Variants in DIS3L2 observed in about 807,000 individuals in gnomAD.
DIS3L2 encodes DIS3 like 3'-5' exoribonuclease 2, also known as DIS3-like exonuclease 2.
Under a neutral mutation model 97.5 loss-of-function variants are expected in DIS3L2, and 34 were observed. The observed-to-expected ratio is 0.35, with a 90% CI of 0.27 to 0.46. DIS3L2 has a LOEUF of 0.46. Ranked by LOEUF, DIS3L2 falls within the 20% of genes least tolerant of loss-of-function variation. The probability of loss-of-function intolerance (pLI) is 1.00; values close to 1 mark genes in which losing one functional copy is unlikely to be tolerated. For synonymous variants in DIS3L2, 435 were observed against 445.2 expected, an observed-to-expected ratio of 0.98 and a Z score of 0.29; for missense variants, 1,038 against 1,146.0, an observed-to-expected ratio of 0.91 and a Z score of 1.36.
chr2:231,999,961 A>G (rs1267702130), intron 1 of DIS3L2, among the ~76,000 whole-genome samples: 5 of 152,148 alleles, frequency 3.3e-5, no homozygotes, highest in African/African-American at 1.2e-4. Context: ...AACACTTAAA[A>G]TACACTCTCT....
chr2:232,335,603 C>T (rs1418586713), intron 19 of DIS3L2, 170 bp from the exon 20 acceptor site: 12 of 695,268 alleles, frequency 1.7e-5, no homozygotes, highest in Non-Finnish European at 2.7e-5. Context: ...TCACCTGCTG[C>T]CTCAGCTGAA....
intron 6 of DIS3L2, among the ~76,000 whole-genome samples, chr2:232,100,829 G>GTA (rs1553607345): frequency 0.071 from 10,579 of 148,074 alleles, 1,100 homozygotes; most frequent in African/African-American, 0.24. Flanking sequence ...GTGTGTGTGT[G>GTA]TATATATATC....
In DIS3L2 at chr2:232,182,314, T is replaced by G. The variant is rs115097180; in HGVS notation, c.1124+18682T>G. On this transcript the variant is annotated intron_variant, in intron 9 of 20. Transcript: ENST00000325385. The stretch of plus-strand genomic sequence containing the variant: ...GAGAACATACTTTGCATGATTTTAG[T>G]CCTTGTATATTTATTGAAACTTGTT... 2.0e-3 allele frequency among the ~76,000 whole-genome samples: 306 copies of G among 152,332 alleles called. 1 individual carries two copies. Among genetic ancestry groups the G allele is most frequent in the African/African-American group, 6.9e-3 (288 of 41,572 alleles).
At chr2:232,033,646 A>G (rs1694871853) in intron 5 of DIS3L2, among the ~76,000 whole-genome samples, 2 of 151,610 alleles carry the variant, frequency 1.3e-5, no homozygotes, top group African/African-American at 4.8e-5. Context: ...CTATGTTCCA[A>G]TACCTAGTTT....
intron 11 of DIS3L2, among the ~76,000 whole-genome samples, chr2:232,240,339 G>A (rs1022503692): frequency 6.6e-6 from 1 of 152,188 alleles, no homozygotes; most frequent in Non-Finnish European, 1.5e-5. Flanking sequence ...CACCATGTAC[G>A]TGTTTTCTGC....
chr2:232,146,374 G>A (rs1031445724), intron 8 of DIS3L2, among the ~76,000 whole-genome samples: 4 of 152,178 alleles, frequency 2.6e-5, no homozygotes, highest in Non-Finnish European at 5.9e-5. Flanking sequence ...GTAGTAGGAT[G>A]CTTTTAGCAG....
At chr2:232,015,746 C>A in intron 3 of DIS3L2, 75 bp downstream of exon 3, 1 of 1,540,886 alleles carries the variant, frequency 6.5e-7, no homozygotes, top group South Asian at 1.2e-5. Flanking sequence ...GTTTCCTGTT[C>A]TGTGCTATAT....
chr2:232,256,939 G>A (rs918891254), intron 12 of DIS3L2, among the ~76,000 whole-genome samples: 9 of 152,094 alleles, frequency 5.9e-5, no homozygotes, highest in African/African-American at 2.2e-4. Flanking sequence ...CCAACATGGT[G>A]AAACCCTGTC....
At chr2:232,340,997 A>G (rs1696091119), downstream of DIS3L2, 2 of 464,100 alleles carry the variant, frequency 4.3e-6, no homozygotes, top group Admixed American at 4.8e-5. Context: ...GCCATCGTGA[A>G]ACGAGAGGAG....
chr2:232,021,734 C>G (rs142657976), intron 3 of DIS3L2, among the ~76,000 whole-genome samples: 1 of 152,070 alleles, frequency 6.6e-6, no homozygotes, highest in African/African-American at 2.4e-5. Context: ...TTTAAAGGAT[C>G]TGGGATTTTT....
chr2:232,111,075 G>A (rs747948330), intron 6 of DIS3L2: 12 of 378,916 alleles, frequency 3.2e-5, no homozygotes, highest in Non-Finnish European at 6.5e-5. Flanking sequence ...GATAGATGTA[G>A]TTGTTACTAA....
chr2:232,102,226 G>A (rs1697224055), intron 6 of DIS3L2, among the ~76,000 whole-genome samples: 1 of 152,184 alleles, frequency 6.6e-6, no homozygotes, highest in African/African-American at 2.4e-5. Flanking sequence ...TGACACCAAG[G>A]GAGAAATAAT....
chr2:232,094,179 G>A (rs1036493791), intron 6 of DIS3L2, among the ~76,000 whole-genome samples: 3 of 152,082 alleles, frequency 2.0e-5, no homozygotes, highest in African/African-American at 7.2e-5. Context: ...GGTCAGAGAA[G>A]ATACTTTATA....
intron 10 of DIS3L2, among the ~76,000 whole-genome samples, chr2:232,230,217 T>TA (rs1276700910): frequency 1.3e-5 from 2 of 152,180 alleles, no homozygotes; most frequent in Non-Finnish European, 2.9e-5. Context: ...GGAATGTGCT[T>TA]ATCCCAAGTA....
intron 5 of DIS3L2, among the ~76,000 whole-genome samples, chr2:232,070,743 C>T (rs753870784): frequency 1.3e-5 from 2 of 152,104 alleles, no homozygotes; most frequent in Non-Finnish European, 2.9e-5. Context: ...TACCACCACA[C>T]CCAGCTAACG....
chr2:232,212,495 A>C (rs1692219533), intron 10 of DIS3L2, among the ~76,000 whole-genome samples: 1 of 152,140 alleles, frequency 6.6e-6, no homozygotes, highest in Non-Finnish European at 1.5e-5. Flanking sequence ...CACTGCATAC[A>C]CTGTGGTTTT....
chr2:232,260,225 G>A (rs982457314), intron 12 of DIS3L2: 1 of 152,378 alleles, frequency 6.6e-6, no homozygotes, highest in Non-Finnish European at 1.5e-5. Flanking sequence ...ACTGGGTTTG[G>A]AATGAAATGT....
At chr2:231,993,913 T>C (rs988070335) in intron 1 of DIS3L2, among the ~76,000 whole-genome samples, 1 of 152,114 alleles carries the variant, frequency 6.6e-6, no homozygotes, top group Non-Finnish European at 1.5e-5. Context: ...TTTTCCTTTG[T>C]GAATCATGCT....
chr2:232,235,751 C>G (rs1458856848), intron 10 of DIS3L2, among the ~76,000 whole-genome samples: 4 of 152,220 alleles, frequency 2.6e-5, no homozygotes, highest in Non-Finnish European at 5.9e-5. Context: ...AAAGAAGACA[C>G]TTTATTTTAC....
Sources: gnomAD v4.1 joint callset for allele counts (sites outside exome capture counted in the v4.1 genomes callset) on GRCh38, gnomAD v4.1.1 for gene constraint, MANE v1.5 for transcripts, NCBI Gene and HGNC (gene_info 2026-07-23, HGNC 2026-07-21) for gene names.